The following HYLS1 variants were observed in gnomAD, a reference collection of about 807,000 sequenced individuals.
HYLS1 encodes the protein centriolar and ciliogenesis-associated protein HYLS1.
In HYLS1, 25 loss-of-function variants were observed where a neutral mutation model predicts 29.4. The observed-to-expected ratio is 0.85, with a 90% confidence interval of 0.62 to 1.19. The LOEUF is 1.19. HYLS1 is among the 50% of genes most tolerant of loss of function. The pLI is 0.00. For synonymous variants in HYLS1, 128 were observed against 126.7 expected (o/e 1.01, Z -0.07); for missense variants, 352 against 365.1 (o/e 0.96, Z 0.29).
chr11:125,899,868 A>G lies in HYLS1; in HGVS notation c.500A>G (p.Gln167Arg), dbSNP rs1944709680. 1.2e-6 allele frequency: 2 copies of G among 1,614,260 alleles called. No homozygotes were observed. The highest frequency in any genetic ancestry group is 1.1e-5 in the South Asian group (1 of 91,086). The change falls in exon 3 of 3, where the codon CAG becomes CGG. Residue 167 changes from glutamine to arginine, a missense_variant. By Grantham distance (43) the Gln-to-Arg change is conservative. Coordinates refer to ENST00000425380, the MANE Select transcript of HYLS1 (RefSeq NM_001134793.2). Reference sequence around the variant, plus strand: ...GAATACCAAGGAATTTCTCAAGATCAGCTCATTTGCTCTCTACAAAGAGAA... The same window carrying G: ...GAATACCAAGGAATTTCTCAAGATCGGCTCATTTGCTCTCTACAAAGAGAA... ...PHEYQGISQD[Q>R]LICSLQREGM...
At position 125,899,539 on chromosome 11, in the gene HYLS1, C is replaced by G; in HGVS notation, c.171C>G (p.Ala57=). Residue 57 remains alanine, a synonymous_variant, in exon 3 of 3, where the codon GCC becomes GCG. Coordinates refer to ENST00000425380, the MANE Select transcript of HYLS1 (RefSeq NM_001134793.2). ...QYDPYSKASV[A]PGKRPALPVQ... ...ATCCCTACAGTAAAGCTTCAGTAGC[C>G]CCAGGGAAGCGACCTGCTCTTCCTG... is the stretch of plus-strand genomic sequence containing the variant. The G allele has an allele frequency of 6.2e-7, 1 of 1,614,042 alleles. No homozygotes were observed. The highest frequency in any genetic ancestry group is 8.5e-7 in the Non-Finnish European group (1 of 1,180,002).
intron 2 of HYLS1, chr11:125,896,362 C>T: frequency 7.5e-7 from 1 of 1,325,652 alleles, no homozygotes; most frequent in Non-Finnish European, 1.0e-6. Flanking sequence ...ACAACAGTTT[C>T]AATGCTAGTT....
chr11:125,888,857 G>A (rs12287531), intron 1 of HYLS1, among the ~76,000 whole-genome samples: 119,855 of 151,216 alleles, frequency 0.79, 48,695 homozygotes, highest in East Asian at 0.88. Flanking sequence ...AATTCCAGGA[G>A]TTTATTCCAA....
chr11:125,892,766 C>G (rs1263358372), intron 2 of HYLS1, among the ~76,000 whole-genome samples: 1 of 152,176 alleles, frequency 6.6e-6, no homozygotes, highest in Non-Finnish European at 1.5e-5. Context: ...TCTTCCCATC[C>G]ACAGAATACT....
intron 2 of HYLS1, chr11:125,895,677 A>C (rs1288849919): frequency 3.7e-6 from 6 of 1,613,988 alleles, no homozygotes; most frequent in Non-Finnish European, 5.1e-6. Flanking sequence ...TACCCGATTG[A>C]GAATGTGGGT....
chr11:125,892,067 C>T (rs1332373660), intron 2 of HYLS1, among the ~76,000 whole-genome samples: 2 of 152,114 alleles, frequency 1.3e-5, no homozygotes, highest in African/African-American at 2.4e-5. Flanking sequence ...GTAAGTAAAA[C>T]TTTGGATCTC....
chr11:125,887,121 C>T, upstream of HYLS1: 1 of 152,712 alleles, frequency 6.5e-6, no homozygotes, highest in Non-Finnish European at 1.5e-5. Context: ...GCTCAGTGCG[C>T]CAGGGTTTCA....
At chr11:125,899,283 A>G (rs776066598) in intron 2 of HYLS1, 61 bp from the exon 3 acceptor site, 4 of 1,222,314 alleles carry the variant, frequency 3.3e-6, no homozygotes, top group Non-Finnish European at 4.7e-6. Flanking sequence ...AGATAAGGGA[A>G]TGAGCAATTT....
At chr11:125,894,325 C>T (rs371112159) in intron 2 of HYLS1, 3 of 1,517,418 alleles carry the variant, frequency 2.0e-6, no homozygotes, top group Non-Finnish European at 2.7e-6. Flanking sequence ...GAATACATAA[C>T]ATCCATCTAA....
chr11:125,899,715 G>A lies in HYLS1; in HGVS notation c.347G>A (p.Ser116Asn), dbSNP rs2134258511. 6.2e-7 allele frequency: 1 copy of A among 1,614,212 alleles called. No homozygotes were observed. Among genetic ancestry groups the A allele is most frequent in the South Asian group, 1.1e-5 (1 of 91,086 alleles). ...EVLVTDESII[S>N]ESESGTENDQ... is the part of the protein sequence containing the mutation. The stretch of plus-strand genomic sequence containing the variant: ...TTAGTAACAGATGAGTCGATTATCA[G>A]TGAATCAGAATCTGGTACAGAAAAT... Residue 116 changes from serine to asparagine, a missense_variant, in exon 3 of 3, where the codon AGT becomes AAT. Ser to Asn is a conservative substitution (Grantham distance 46). Transcript: ENST00000425380.
At chr11:125,889,856 G>C (rs546782458) in intron 1 of HYLS1, among the ~76,000 whole-genome samples, 1 of 152,276 alleles carries the variant, frequency 6.6e-6, no homozygotes, top group East Asian at 1.9e-4. Context: ...CCAGCACCGG[G>C]TACTGAAAAA....
At chr11:125,890,342 A>G (rs1323941976) in intron 1 of HYLS1, among the ~76,000 whole-genome samples, 1 of 152,156 alleles carries the variant, frequency 6.6e-6, no homozygotes, top group Non-Finnish European at 1.5e-5. Context: ...AGGAATTCAA[A>G]TTACTGATTT....
At chr11:125,893,654 C>G in intron 2 of HYLS1, 1 of 722,862 alleles carries the variant, frequency 1.4e-6, no homozygotes, top group Non-Finnish European at 2.1e-6. Flanking sequence ...GGGCTTTAGT[C>G]TTTTTGCTTT....
chr11:125,894,251 C>G, intron 2 of HYLS1: 1 of 1,612,386 alleles, frequency 6.2e-7, no homozygotes, highest in Non-Finnish European at 8.5e-7. Context: ...TTCAAACTTA[C>G]AGTCATATAA....
chr11:125,900,293 A>C lies in HYLS1; in HGVS notation c.*25A>C, dbSNP rs756051351. ...AATCTTTTTAAACTTCTTTCACAGGATTGTTTGAGATAACCTAGCTCTTTA... is the reference window on the plus strand; with the variant it reads ...AATCTTTTTAAACTTCTTTCACAGGCTTGTTTGAGATAACCTAGCTCTTTA... On this transcript the variant is annotated 3_prime_UTR_variant, in exon 3 of 3. Coordinates refer to ENST00000425380, the MANE Select transcript of HYLS1 (RefSeq NM_001134793.2). The C allele has an allele frequency of 6.2e-7, 1 of 1,606,420 alleles. No individual in the cohort carries two copies. The highest frequency in any genetic ancestry group is 1.1e-5 in the South Asian group (1 of 90,668).
At chr11:125,888,393 G>C (rs190770186) in intron 1 of HYLS1, 29 of 152,414 alleles carry the variant, frequency 1.9e-4, no homozygotes, top group African/African-American at 6.7e-4. Context: ...GCTGCTGAGA[G>C]AGTGAAGAAA....
At chr11:125,896,459 T>G (rs975897748) in intron 2 of HYLS1, 1 of 649,398 alleles carries the variant, frequency 1.5e-6, no homozygotes, top group South Asian at 2.2e-5. Context: ...AAGCATTAGC[T>G]TTATTGTGGG....
upstream of HYLS1, chr11:125,887,204 G>C (rs1411910093): frequency 1.3e-5 from 2 of 152,416 alleles, no homozygotes; most frequent in African/African-American, 2.4e-5. Context: ...TGTTCGAACC[G>C]TCCCTGAGCG....
intron 2 of HYLS1, among the ~76,000 whole-genome samples, chr11:125,894,487 G>T (rs1944514618): frequency 6.6e-6 from 1 of 152,088 alleles, no homozygotes; most frequent in Non-Finnish European, 1.5e-5. Context: ...ACAAATCATA[G>T]ATCAACCTGA....
Sources: gnomAD v4.1 joint callset for allele counts (sites outside exome capture counted in the v4.1 genomes callset) on GRCh38, gnomAD v4.1.1 for gene constraint, MANE v1.5 for transcripts, NCBI Gene and HGNC (gene_info 2026-07-23, HGNC 2026-07-21) for gene names.